MYH10: variants seen among roughly 807,000 people sequenced by gnomAD.
MYH10 encodes the protein myosin heavy chain 10.
MYH10 carries 55 observed loss-of-function variants against 257.8 expected under a neutral mutation model. The ratio of observed to expected loss-of-function variants is 0.21; its 90% CI spans 0.17 to 0.27. The LOEUF (loss-of-function observed/expected upper bound fraction) is 0.27, where lower values mean the gene tolerates loss of function less well. Ranked by LOEUF, MYH10 falls within the 10% of genes least tolerant of loss-of-function variation. The probability of loss-of-function intolerance (pLI) is 1.00; values close to 1 mark genes in which losing one functional copy is unlikely to be tolerated. For missense variants in MYH10, 1,631 were observed against 2,500.6 expected (o/e 0.65, Z 7.42); for synonymous variants, 854 against 921.7 (o/e 0.93, Z 1.33).
At position 8,474,263 on chromosome 17, in the gene MYH10, T is replaced by C. The variant is rs1464495788; in HGVS notation, c.*1541A>G. The C allele has an allele frequency of 6.6e-6, 1 of 152,646 alleles. No individual in the cohort carries two copies. The highest frequency in any genetic ancestry group is 1.9e-4 in the East Asian group (1 of 5,200). The allele number at this position is 152,646 out of a possible 1,614,324, so 9.5% of individuals were successfully genotyped here. A position where few individuals can be genotyped will look rare whatever the true frequency, so the allele number is the denominator to read the frequency against. ...GGTCTCTTTATTCTCCACGGGTGCT[T>C]TTTTCTTCAAGTAAACAGAGCAGGC... is the stretch of plus-strand genomic sequence containing the variant. On this transcript the variant is annotated 3_prime_UTR_variant, in exon 43 of 43. Coordinates refer to ENST00000360416, the MANE Select transcript of MYH10 (RefSeq NM_001256012.3).
At chr17:8,503,391 G>C (rs1420300694) in intron 28 of MYH10, among the ~76,000 whole-genome samples, 1 of 152,198 alleles carries the variant, frequency 6.6e-6, no homozygotes, top group Non-Finnish European at 1.5e-5. Flanking sequence ...AAAAGCTGAA[G>C]ACAAAAACCA....
At chr17:8,485,757 G>GAAAC (rs370727690) in intron 36 of MYH10, among the ~76,000 whole-genome samples, 6 of 152,312 alleles carry the variant, frequency 3.9e-5, no homozygotes, top group African/African-American at 1.4e-4. Context: ...GTGACTGTGG[G>GAAAC]AAACAGTTTG....
chr17:8,543,297 G>A (rs368222741), intron 13 of MYH10, among the ~76,000 whole-genome samples: 1 of 152,188 alleles, frequency 6.6e-6, no homozygotes, highest in East Asian at 1.9e-4. Flanking sequence ...TCAGAATGAG[G>A]TCATGCAAGG....
intron 11 of MYH10, 65 bp from the exon 12 acceptor site, chr17:8,546,727 A>G (rs2082456472): frequency 3.4e-6 from 4 of 1,171,374 alleles, no homozygotes; most frequent in East Asian, 2.4e-5. Context: ...AATATATTCA[A>G]TAAACACTGG....
intron 14 of MYH10, among the ~76,000 whole-genome samples, chr17:8,536,350 T>G (rs2082137984): frequency 6.6e-6 from 1 of 152,232 alleles, no homozygotes; most frequent in Admixed American, 6.5e-5. Flanking sequence ...TTTTATATCC[T>G]AATCAGTTTA....
chr17:8,552,982 G>A lies in MYH10; in HGVS notation c.821-838C>T, dbSNP rs773519521. On this transcript the variant is annotated intron_variant, in intron 8 of 42. Transcript: ENST00000360416. The surrounding 1 kb of genome is among the most constrained non-coding windows in gnomAD (Gnocchi z 4.8). ...GTTCCTATGGGTTGACAGTCACACC[G>A]GCATCTCAGAGAACGTGTATCACAG... Among the ~76,000 whole-genome samples, 7 of 152,150 alleles carry A rather than the reference G, an allele frequency of 4.6e-5. No homozygotes were observed. The highest frequency in any genetic ancestry group is 7.2e-5 in the African/African-American group (3 of 41,434).
intron 17 of MYH10, among the ~76,000 whole-genome samples, chr17:8,527,899 C>G (rs1053938793): frequency 1.3e-5 from 2 of 152,230 alleles, no homozygotes; most frequent in African/African-American, 4.8e-5. Flanking sequence ...CAAAAACCTT[C>G]ATCCATTGAA....
chr17:8,623,470 G>A (rs1018559938), intron 1 of MYH10, 193 bp from the exon 2 acceptor site: 4 of 376,558 alleles, frequency 1.1e-5, no homozygotes, highest in African/African-American at 6.3e-5. Flanking sequence ...TTATGGCTCT[G>A]GTTGTCTGAT....
intron 9 of MYH10, among the ~76,000 whole-genome samples, chr17:8,550,260 C>T (rs1338798780): frequency 6.6e-6 from 1 of 150,984 alleles, no homozygotes; most frequent in African/African-American, 2.5e-5. Flanking sequence ...TCTTCCCGGC[C>T]GCCATCACAT....
chr17:8,517,388 C>T (rs563482717), intron 21 of MYH10, among the ~76,000 whole-genome samples: 1 of 152,182 alleles, frequency 6.6e-6, no homozygotes, highest in Non-Finnish European at 1.5e-5. Context: ...ATGTAGAGTA[C>T]ATTATTACAG....
Position 8,545,433 on chromosome 17 carries a change from GA to G in MYH10, c.1431+14del. 3 of 1,612,382 alleles carry G rather than the reference GA, an allele frequency of 1.9e-6. No homozygotes were observed. Among genetic ancestry groups the G allele is most frequent in the South Asian group, 1.1e-5 (1 of 90,674 alleles). On this transcript the variant is annotated intron_variant, in intron 13 of 42. Transcript: ENST00000360416. This position sits in a 1 kb window ranked among gnomAD's most constrained non-coding sequence, Gnocchi z 4.7. ...CAAAAAGAAGGACGAGCTAGAGGAA[GA>G]GGGGGAAGAATACCTCAAAAATTTC...
chr17:8,489,355 A>G (rs1915377395), intron 35 of MYH10, among the ~76,000 whole-genome samples: 2 of 152,234 alleles, frequency 1.3e-5, no homozygotes, highest in African/African-American at 2.4e-5. Flanking sequence ...CTTATCCAGC[A>G]ATAAATGATC....
chr17:8,502,802 G>A (rs578112999), intron 28 of MYH10, among the ~76,000 whole-genome samples: 91 of 152,238 alleles, frequency 6.0e-4, no homozygotes, highest in African/African-American at 2.1e-3. Context: ...TAATAAATAT[G>A]CGCATTTAGT....
chr17:8,492,902 C>T lies in MYH10; in HGVS notation c.4332G>A (p.Leu1444=), dbSNP rs774668552. The T allele has an allele frequency of 6.2e-7, 1 of 1,614,148 alleles. No individual in the cohort carries two copies. The highest frequency in any genetic ancestry group is 1.7e-5 in the Admixed American group (1 of 60,018). ...TGGTCTTCTCCAGTTTGTCATACGC[C>T]AGTGCCTTCTCCTCCAGGCGCTGGC... ...ALSQRLEEKA[L]AYDKLEKTKN... is the part of the protein sequence containing the mutation. The change falls in exon 33 of 43, where the codon CTG becomes CTA. Residue 1444 remains leucine (L), a synonymous_variant. Coordinates refer to ENST00000360416, the MANE Select transcript of MYH10 (RefSeq NM_001256012.3).
chr17:8,563,748 C>T (rs1021655857), intron 7 of MYH10, among the ~76,000 whole-genome samples: 9 of 152,108 alleles, frequency 5.9e-5, no homozygotes, highest in South Asian at 2.1e-4. Context: ...GTGCAGAATC[C>T]GGACGTGCTT....
Position 8,535,327 on chromosome 17 carries a change from T to C in MYH10, c.1894+60A>G, listed in dbSNP as rs1188856812. ...CATATATATGTAAAAGAACCATCTA[T>C]AAACCTTAATTATAAAAGATTCCAG... On this transcript the variant is annotated intron_variant, in intron 16 of 42. Coordinates refer to ENST00000360416, the MANE Select transcript of MYH10 (RefSeq NM_001256012.3). The surrounding 1 kb of genome is among the most constrained non-coding windows in gnomAD (Gnocchi z 4.3). 1 of 1,323,138 alleles carries C rather than the reference T, an allele frequency of 7.6e-7. No individual in the cohort carries two copies. The highest frequency in any genetic ancestry group is 1.1e-6 in the Non-Finnish European group (1 of 932,774). 82.0% of individuals were successfully genotyped at this position (1,323,138 alleles called of 1,614,324 possible).
At chr17:8,534,262 T>A (rs2082081041) in intron 16 of MYH10, among the ~76,000 whole-genome samples, 1 of 152,194 alleles carries the variant, frequency 6.6e-6, no homozygotes, top group Non-Finnish European at 1.5e-5. Flanking sequence ...GGTACAAAGA[T>A]TAAAGGCTTC....
At position 8,545,154 on chromosome 17, in the gene MYH10, C is replaced by T. The variant is rs1306456690; in HGVS notation, c.1431+294G>A. Among the ~76,000 whole-genome samples the T allele has an allele frequency of 1.3e-5, 2 of 152,200 alleles. No individual in the cohort carries two copies. The highest frequency in any genetic ancestry group is 2.9e-5 in the Non-Finnish European group (2 of 68,030). On this transcript the variant is annotated intron_variant, in intron 13 of 42. Coordinates refer to ENST00000360416, the MANE Select transcript of MYH10 (RefSeq NM_001256012.3). The surrounding 1 kb of genome is among the most constrained non-coding windows in gnomAD (Gnocchi z 4.7). The stretch of plus-strand genomic sequence containing the variant: ...ACTCTCATTATGCCGGGAAACTGAC[C>T]GAGGCTGGCAGCTTCTCATCCTTCA...
At chr17:8,628,884 T>C (rs2085782540) in intron 1 of MYH10, among the ~76,000 whole-genome samples, 2 of 152,210 alleles carry the variant, frequency 1.3e-5, no homozygotes, top group Non-Finnish European at 2.9e-5. Flanking sequence ...ATGATTTCCC[T>C]ATGGAGCCCA....
Sources: allele counts gnomAD v4.1 joint callset (sites outside exome capture counted in the v4.1 genomes callset), GRCh38; gene constraint gnomAD v4.1.1; non-coding constraint Gnocchi (gnomAD v3.1); transcripts MANE v1.5; gene names NCBI Gene and HGNC (gene_info 2026-07-23, HGNC 2026-07-21).